Variants in TIMP2 observed in about 807,000 individuals in gnomAD.
TIMP2 encodes metalloproteinase inhibitor 2.
A neutral mutation model predicts 24.3 loss-of-function variants in TIMP2; 5 were observed. The ratio of observed to expected loss-of-function variants is 0.21; its 90% CI spans 0.11 to 0.43. TIMP2 has a LOEUF of 0.43. Among genes scored for constraint, TIMP2 ranks in the 20% least tolerant of loss-of-function variants. The probability of loss-of-function intolerance (pLI) is 1.00; values close to 1 mark genes in which losing one functional copy is unlikely to be tolerated. For synonymous variants in TIMP2, 130 were observed against 123.2 expected, an observed-to-expected ratio of 1.06 and a Z score of -0.37; for missense variants, 221 against 297.5, an observed-to-expected ratio of 0.74 and a Z score of 1.89.
intron 1 of TIMP2, among the ~76,000 whole-genome samples, chr17:78,881,058 G>A (rs1220253645): frequency 6.6e-6 from 1 of 152,232 alleles, no homozygotes; most frequent in East Asian, 1.9e-4. Flanking sequence ...ACGAGGTGCA[G>A]GGATCCCTGG....
chr17:78,858,020 C>T (rs561012254), intron 3 of TIMP2, among the ~76,000 whole-genome samples: 138 of 151,902 alleles, frequency 9.1e-4, no homozygotes, highest in Non-Finnish European at 1.3e-3. Context: ...TGCAGTGAGC[C>T]GAGATCGCGC....
At chr17:78,916,700 C>G (rs964139838) in intron 1 of TIMP2, among the ~76,000 whole-genome samples, 1 of 152,204 alleles carries the variant, frequency 6.6e-6, no homozygotes, top group Non-Finnish European at 1.5e-5. Context: ...CCCCTCTCCC[C>G]CAGTGCAGGG....
chr17:78,863,032 T>G (rs898087548), intron 3 of TIMP2, among the ~76,000 whole-genome samples: 1 of 152,210 alleles, frequency 6.6e-6, no homozygotes, highest in African/African-American at 2.4e-5. Context: ...ACGGGCGCAG[T>G]GCCGTTGAAC....
At chr17:78,887,777 C>T (rs918604726) in intron 1 of TIMP2, among the ~76,000 whole-genome samples, 6 of 149,482 alleles carry the variant, frequency 4.0e-5, no homozygotes, top group South Asian at 4.2e-4. Flanking sequence ...GAGCAATAAA[C>T]GGGATCTTTC....
At chr17:78,918,662 C>T (rs2070284211) in intron 1 of TIMP2, among the ~76,000 whole-genome samples, 2 of 152,154 alleles carry the variant, frequency 1.3e-5, no homozygotes, top group African/African-American at 4.8e-5. Context: ...GCAACAAAAA[C>T]AAAACCTTGG....
chr17:78,905,235 C>T (rs2070148266), intron 1 of TIMP2, among the ~76,000 whole-genome samples: 1 of 152,206 alleles, frequency 6.6e-6, no homozygotes, highest in African/African-American at 2.4e-5. Context: ...AGGACTTACC[C>T]CAGTGGCCAC....
chr17:78,861,811 T>C (rs953139128), intron 3 of TIMP2, among the ~76,000 whole-genome samples: 3 of 152,110 alleles, frequency 2.0e-5, no homozygotes, highest in African/African-American at 4.8e-5. Flanking sequence ...CCATGTTGGC[T>C]GGGCTGGTCT....
intron 1 of TIMP2, among the ~76,000 whole-genome samples, chr17:78,883,151 G>A (rs778253499): frequency 2.6e-4 from 40 of 152,222 alleles, no homozygotes; most frequent in Admixed American, 2.5e-3. Context: ...CTCGGCCCCC[G>A]GAAGCCAGCA....
At chr17:78,875,602 G>A (rs192911280) in intron 1 of TIMP2, among the ~76,000 whole-genome samples, 45 of 152,180 alleles carry the variant, frequency 3.0e-4, no homozygotes, top group South Asian at 8.3e-4. Context: ...TAAAAGCTTT[G>A]CCCTCCCAAA....
intron 1 of TIMP2, among the ~76,000 whole-genome samples, chr17:78,887,154 G>A (rs58898961): frequency 0.016 from 2,488 of 152,302 alleles, 71 homozygotes; most frequent in African/African-American, 0.053. Context: ...CCAAATGAGC[G>A]TAACGCTTGT....
At chr17:78,918,825 C>G (rs1000353000) in intron 1 of TIMP2, among the ~76,000 whole-genome samples, 2 of 152,014 alleles carry the variant, frequency 1.3e-5, no homozygotes, top group Non-Finnish European at 2.9e-5. Flanking sequence ...ATGGCGAAAC[C>G]CCATCTCTAC....
Position 78,886,975 on chromosome 17 carries a change from GC to G in TIMP2, c.131-13057del, listed in dbSNP as rs556272851. On this transcript the variant is annotated intron_variant, in intron 1 of 4. Transcript: ENST00000262768. The stretch of plus-strand genomic sequence containing the variant: ...GGGCTCAAGCCATCCACCTGCTTTG[GC>G]CTCCCAGAGTGCTGGGATTACAGGT... 3.5e-3 allele frequency among the ~76,000 whole-genome samples: 537 copies of G among 152,244 alleles called. 1 individual carries two copies. The highest frequency in any genetic ancestry group is 7.1e-3 in the Admixed American group (109 of 15,292).
At chr17:78,897,589 A>G (rs3744787) in intron 1 of TIMP2, 41,156 of 152,138 alleles carry the variant, frequency 0.27, 9,125 homozygotes, top group African/African-American at 0.62. Context: ...CGGTACACTT[A>G]GACACCCAAA....
chr17:78,855,652 G>A lies in TIMP2; in HGVS notation c.*15C>T, dbSNP rs1392812256. ...GCTTTTTTTGCAGTTGGCCACAGGGGCGTTGGAGGCCTGCTTATGGGTCCT... is the reference window on the plus strand; with the variant it reads ...GCTTTTTTTGCAGTTGGCCACAGGGACGTTGGAGGCCTGCTTATGGGTCCT... On this transcript the variant is annotated 3_prime_UTR_variant, in exon 5 of 5. Coordinates refer to ENST00000262768, the MANE Select transcript of TIMP2 (RefSeq NM_003255.5). This position sits in a 1 kb window ranked among gnomAD's most constrained non-coding sequence, Gnocchi z 6.0. The A allele has an allele frequency of 6.2e-7, 1 of 1,612,464 alleles. No homozygotes were observed. The highest frequency in any genetic ancestry group is 8.5e-7 in the Non-Finnish European group (1 of 1,179,592).
chr17:78,863,464 A>G (rs990674950), intron 3 of TIMP2, among the ~76,000 whole-genome samples: 1 of 152,084 alleles, frequency 6.6e-6, no homozygotes, highest in African/African-American at 2.4e-5. Flanking sequence ...GGATGGTCTC[A>G]ATCTCCTGAC....
At chr17:78,892,589 G>A in intron 1 of TIMP2, 1 of 1,401,078 alleles carries the variant, frequency 7.1e-7, no homozygotes, top group Non-Finnish European at 9.5e-7. Flanking sequence ...AAGCTCTCTT[G>A]ACCCGTGCCC....
In TIMP2 at chr17:78,874,047, G is replaced by A. The variant is rs770191647; in HGVS notation, c.131-128C>T. The A allele has an allele frequency of 1.2e-4, 89 of 722,520 alleles. No homozygotes were observed. In the East Asian group the frequency reaches 2.0e-3, roughly 16 times the overall value. 44.8% of individuals were successfully genotyped at this position (722,520 alleles called of 1,614,324 possible). ...TACAGACAGCAGCAAGGTGCGAGAC[G>A]GGCAAGGGGCATGGTGATCCCAGCC... On this transcript the variant is annotated intron_variant, in intron 1 of 4. Coordinates refer to ENST00000262768, the MANE Select transcript of TIMP2 (RefSeq NM_003255.5).
chr17:78,855,710 G>C lies in TIMP2; in HGVS notation c.620C>G (p.Ala207Gly), dbSNP rs775066324. Reference protein sequence around the residue: ...SDGSCAWYRGAAPPKQEFLDI... With the variant: ...SDGSCAWYRGGAPPKQEFLDI... ...GAGAAACTCCTGCTTGGGGGGCGCC[G>C]CGCCGCGGTACCACGCACAGGAGCC... The change falls in exon 5 of 5, where the codon GCG becomes GGG. Residue 207 changes from alanine (A) to glycine (G), a missense_variant. Ala to Gly is a moderately conservative substitution (Grantham distance 60). Transcript: ENST00000262768. The surrounding 1 kb of genome is among the most constrained non-coding windows in gnomAD (Gnocchi z 6.0). The C allele has an allele frequency of 6.2e-7, 1 of 1,614,108 alleles. No individual in the cohort carries two copies. The highest frequency in any genetic ancestry group is 1.1e-5 in the South Asian group (1 of 91,088).
chr17:78,892,381 C>T (rs2069914771), intron 1 of TIMP2: 1 of 1,550,606 alleles, frequency 6.4e-7, no homozygotes, highest in Non-Finnish European at 8.7e-7. Context: ...AGGGAAGGTG[C>T]TTGGAGCCAA....
Sources: allele counts gnomAD v4.1 joint callset (sites outside exome capture counted in the v4.1 genomes callset), GRCh38; gene constraint gnomAD v4.1.1; non-coding constraint Gnocchi (gnomAD v3.1); transcripts MANE v1.5; gene names NCBI Gene and HGNC (gene_info 2026-07-23, HGNC 2026-07-21).